The following ANXA4 variants were observed in gnomAD, a reference collection of about 807,000 sequenced individuals.
ANXA4 encodes the protein annexin A4.
ANXA4 carries 39 observed loss-of-function variants against 49.8 expected under a neutral mutation model. That is an observed-to-expected ratio of 0.78 (90% CI 0.61 to 1.02). The LOEUF (loss-of-function observed/expected upper bound fraction) is 1.02. ANXA4 is among the 50% of genes least tolerant of loss of function. The pLI is 0.00. For synonymous variants in ANXA4, 134 were observed against 152.5 expected, an observed-to-expected ratio of 0.88 and a Z score of 0.89; for missense variants, 360 against 410.1, an observed-to-expected ratio of 0.88 and a Z score of 1.05.
intron 9 of ANXA4, chr2:69,817,848 G>A (rs1342343463): frequency 6.6e-6 from 1 of 152,210 alleles, no homozygotes; most frequent in African/African-American, 2.4e-5. Context: ...CCATCCCCGT[G>A]AGCTGCTCAA....
intron 6 of ANXA4, 32 bp from the exon 7 acceptor site, chr2:69,810,562 T>C (rs1235063992): frequency 6.3e-7 from 1 of 1,589,074 alleles, no homozygotes; most frequent in East Asian, 2.2e-5. Flanking sequence ...AGACTCTTAA[T>C]TCTGAAGTAG....
chr2:69,812,121 C>CT (rs1327532159), intron 7 of ANXA4, among the ~76,000 whole-genome samples: 1,790 of 138,344 alleles, frequency 0.013, 29 homozygotes, highest in Middle Eastern at 0.047. Flanking sequence ...ACCTCCCCAC[C>CT]TTTTTTTTTT....
intron 2 of ANXA4, among the ~76,000 whole-genome samples, chr2:69,681,650 T>C (rs1030779399): frequency 6.6e-6 from 1 of 152,160 alleles, no homozygotes; most frequent in African/African-American, 2.4e-5. Flanking sequence ...ATTTTATTTA[T>C]TTGTGTCTTC....
At chr2:69,766,178 T>G (rs1573218554) in intron 1 of ANXA4, among the ~76,000 whole-genome samples, 1 of 152,196 alleles carries the variant, frequency 6.6e-6, no homozygotes, top group Admixed American at 6.5e-5. Flanking sequence ...AAGCCTGAAC[T>G]CTATACGCCA....
intron 3 of ANXA4, among the ~76,000 whole-genome samples, chr2:69,803,836 A>G (rs961128690): frequency 2.6e-5 from 4 of 152,166 alleles, no homozygotes; most frequent in African/African-American, 9.7e-5. Context: ...AAAAGACATG[A>G]AAAGAATTCT....
At chr2:69,706,351 G>A (rs981210968) in intron 2 of ANXA4, among the ~76,000 whole-genome samples, 60 of 135,916 alleles carry the variant, frequency 4.4e-4, no homozygotes, top group African/African-American at 1.7e-3. Flanking sequence ...CCCAGGCTGG[G>A]GTACAGTGGT....
intron 2 of ANXA4, among the ~76,000 whole-genome samples, chr2:69,712,223 C>G (rs1678699686): frequency 6.6e-6 from 1 of 152,018 alleles, no homozygotes; most frequent in Admixed American, 6.6e-5. Context: ...ACCCCTCACA[C>G]TAAAATAAAA....
At chr2:69,774,771 G>C (rs559175574) in intron 1 of ANXA4, among the ~76,000 whole-genome samples, 4 of 152,104 alleles carry the variant, frequency 2.6e-5, no homozygotes, top group Non-Finnish European at 4.4e-5. Flanking sequence ...GCTTCATCAG[G>C]GGTATTCTAC....
chr2:69,652,113 A>G (rs1384311719), intron 1 of ANXA4, among the ~76,000 whole-genome samples: 1 of 151,906 alleles, frequency 6.6e-6, no homozygotes, highest in African/African-American at 2.4e-5. Context: ...CCCAGGTTCA[A>G]CAGATTCTCC....
intron 2 of ANXA4, among the ~76,000 whole-genome samples, chr2:69,785,336 A>T (rs559206626): frequency 1.4e-4 from 21 of 152,266 alleles, no homozygotes; most frequent in African/African-American, 5.1e-4. Flanking sequence ...AAAATCCTCC[A>T]TTCCTTTAGA....
chr2:69,801,858 C>T (rs1157978776), intron 3 of ANXA4, among the ~76,000 whole-genome samples: 2 of 152,212 alleles, frequency 1.3e-5, no homozygotes, highest in Non-Finnish European at 2.9e-5. Flanking sequence ...ATAAGAATCA[C>T]AGACATGCGG....
intron 1 of ANXA4, among the ~76,000 whole-genome samples, chr2:69,777,763 C>T (rs1672019021): frequency 6.6e-6 from 1 of 152,198 alleles, no homozygotes; most frequent in African/African-American, 2.4e-5. Flanking sequence ...CTAGCCCCTT[C>T]CCTTCATTCA....
At chr2:69,800,434 G>A (rs971612214) in intron 3 of ANXA4, among the ~76,000 whole-genome samples, 3 of 152,108 alleles carry the variant, frequency 2.0e-5, no homozygotes, top group Non-Finnish European at 2.9e-5. Context: ...GCAGACTGTT[G>A]GAGAAGACAA....
At chr2:69,736,322 G>T (rs779221647) in intron 3 of ANXA4, among the ~76,000 whole-genome samples, 6 of 152,184 alleles carry the variant, frequency 3.9e-5, no homozygotes, top group African/African-American at 9.7e-5. Context: ...GCAACTTGTA[G>T]AATTAATAAA....
intron 11 of ANXA4, among the ~76,000 whole-genome samples, chr2:69,819,888 T>C (rs1674157074): frequency 1.3e-5 from 2 of 151,624 alleles, no homozygotes; most frequent in Admixed American, 1.3e-4. Flanking sequence ...GCCGTCATGG[T>C]GAAATCCCCG....
At chr2:69,798,856 GA>G (rs1558511203) in intron 3 of ANXA4, among the ~76,000 whole-genome samples, 1 of 152,040 alleles carries the variant, frequency 6.6e-6, no homozygotes, top group African/African-American at 2.4e-5. Context: ...TGTCTGGGGT[GA>G]ATACTGAGGT....
At chr2:69,743,343 G>A (rs1454985906) in intron 1 of ANXA4, among the ~76,000 whole-genome samples, 12 of 151,976 alleles carry the variant, frequency 7.9e-5, no homozygotes, top group African/African-American at 2.7e-4. Context: ...TCAGCCTCCC[G>A]AGTAGCTGGG....
intron 2 of ANXA4, among the ~76,000 whole-genome samples, chr2:69,660,195 G>C (rs1428797129): frequency 1.3e-5 from 2 of 152,176 alleles, no homozygotes; most frequent in Non-Finnish European, 2.9e-5. Context: ...TAAAAACCCA[G>C]ACCTGCTTTT....
intron 3 of ANXA4, among the ~76,000 whole-genome samples, chr2:69,732,557 G>A (rs888720822): frequency 4.6e-5 from 7 of 151,816 alleles, no homozygotes; most frequent in African/African-American, 1.5e-4. Context: ...TCGGGAGTTC[G>A]AGGCCAGCCT....
Sources: allele counts gnomAD v4.1 joint callset (sites outside exome capture counted in the v4.1 genomes callset), GRCh38; gene constraint gnomAD v4.1.1; transcripts MANE v1.5; gene names NCBI Gene and HGNC (gene_info 2026-07-23, HGNC 2026-07-21).